Variants in JMJD1C observed in about 807,000 individuals in gnomAD.
JMJD1C encodes jumonji domain-containing protein 1C.
JMJD1C carries 31 observed loss-of-function variants against 245.3 expected under a neutral mutation model. That is an observed-to-expected ratio of 0.13 (90% CI 0.09 to 0.17). JMJD1C has a LOEUF of 0.17. JMJD1C is among the 10% of genes least tolerant of loss of function. JMJD1C has a pLI of 1.00. For missense variants in JMJD1C, 2,691 were observed against 3,000.2 expected, an observed-to-expected ratio of 0.90 and a Z score of 2.41; for synonymous variants, 1,057 against 1,017.4, an observed-to-expected ratio of 1.04 and a Z score of -0.74.
chr10:63,169,724 G>A (rs1197892631), intron 24 of JMJD1C, among the ~76,000 whole-genome samples: 1 of 152,172 alleles, frequency 6.6e-6, no homozygotes, highest in Admixed American at 6.5e-5. Context: ...TCATTAGGCT[G>A]TTGGTTCCTC....
chr10:63,485,539 C>T (rs1259586107), intron 1 of JMJD1C, among the ~76,000 whole-genome samples: 1 of 152,042 alleles, frequency 6.6e-6, no homozygotes, highest in Non-Finnish European at 1.5e-5. Context: ...TGAGTGACAT[C>T]GTATCCTAGA....
At chr10:63,189,522 T>C (rs1844510715) in intron 17 of JMJD1C, 76 bp from the exon 18 acceptor site, 1 of 1,281,092 alleles carries the variant, frequency 7.8e-7, no homozygotes, top group Non-Finnish European at 1.1e-6. Context: ...ACAGACTTAT[T>C]TTTTTTTAAA....
At chr10:63,248,728 T>C (rs1310932015) in intron 3 of JMJD1C, among the ~76,000 whole-genome samples, 3 of 152,088 alleles carry the variant, frequency 2.0e-5, no homozygotes, top group African/African-American at 7.2e-5. Flanking sequence ...CTACTGGATA[T>C]ACATCCAAAA....
intron 3 of JMJD1C, among the ~76,000 whole-genome samples, chr10:63,231,145 G>GA (rs1849936515): frequency 6.6e-6 from 1 of 152,054 alleles, no homozygotes; most frequent in Non-Finnish European, 1.5e-5. Flanking sequence ...CCCCCCTCAA[G>GA]AAAAAACCTT....
intron 2 of JMJD1C, among the ~76,000 whole-genome samples, chr10:63,271,611 G>A (rs2133833321): frequency 6.6e-6 from 1 of 151,836 alleles, no homozygotes; most frequent in Non-Finnish European, 1.5e-5. Context: ...GAGTGCAATG[G>A]TGTGATCTTG....
At chr10:63,313,114 G>A (rs1939454715) in intron 2 of JMJD1C, among the ~76,000 whole-genome samples, 1 of 152,106 alleles carries the variant, frequency 6.6e-6, no homozygotes, top group African/African-American at 2.4e-5. Context: ...CATTTCCCCC[G>A]CAAGGCCCCA....
At chr10:63,230,093 CTGGGTGCAG>C (rs1356922401) in intron 3 of JMJD1C, among the ~76,000 whole-genome samples, 3 of 152,162 alleles carry the variant, frequency 2.0e-5, no homozygotes, top group Non-Finnish European at 4.4e-5. Flanking sequence ...TGAAAATAAG[CTGGGTGCAG>C]TGGCTCATGC....
At chr10:63,433,577 TTTTCTTTTC>T (rs1950895745) in intron 1 of JMJD1C, among the ~76,000 whole-genome samples, 2 of 146,612 alleles carry the variant, frequency 1.4e-5, no homozygotes, top group Admixed American at 1.4e-4. Flanking sequence ...TACTCTTTTC[TTTTCTTTTC>T]TTTTTTTTTT....
chr10:63,338,640 ATTTTTTTTTTTTT>A (rs34238197), intron 2 of JMJD1C, among the ~76,000 whole-genome samples: 1 of 95,126 alleles, frequency 1.1e-5, no homozygotes, highest in Non-Finnish European at 2.0e-5. Context: ...TGCTCCTTAG[ATTTTTTTTTTTTT>A]TTTTTTTTTT....
At chr10:63,434,502 C>T (rs1228764846) in intron 1 of JMJD1C, among the ~76,000 whole-genome samples, 1 of 152,000 alleles carries the variant, frequency 6.6e-6, no homozygotes, top group African/African-American at 2.4e-5. Context: ...CTGGAGTTCT[C>T]AGGACACAAT....
In JMJD1C at chr10:63,424,497, CTTT is replaced by C. The variant is rs59823871; in HGVS notation, c.168+40995_168+40997del. Among the ~76,000 whole-genome samples the C allele has an allele frequency of 1.2e-4, 12 of 103,356 alleles. 1 individual carries two copies. The highest frequency in any genetic ancestry group is 1.5e-4 in the Non-Finnish European group (8 of 55,054). The allele number at this position is 103,356 out of a possible 152,430, so 67.8% of individuals were successfully genotyped here. A position where few individuals can be genotyped will look rare whatever the true frequency, so the allele number is the denominator to read the frequency against. The stretch of plus-strand genomic sequence containing the variant: ...ACTTACACAAAAACCATTATTATTT[CTTT>C]TTTTTTTTTTTTTTTTTTCTTTTTG... On this transcript the variant is annotated intron_variant, in intron 1 of 25. Coordinates refer to ENST00000399262, the MANE Select transcript of JMJD1C (RefSeq NM_032776.3).
intron 2 of JMJD1C, among the ~76,000 whole-genome samples, chr10:63,265,795 T>C (rs191634847): frequency 9.8e-5 from 15 of 152,298 alleles, no homozygotes; most frequent in Non-Finnish European, 1.8e-4. Context: ...TACAGGGTAA[T>C]TTGTGTTAAT....
intron 1 of JMJD1C, among the ~76,000 whole-genome samples, chr10:63,474,979 GGTA>G (rs1953613979): frequency 6.6e-6 from 1 of 152,110 alleles, no homozygotes; most frequent in Non-Finnish European, 1.5e-5. Flanking sequence ...CATGGGGGTG[GGTA>G]GTATTGACTG....
intron 3 of JMJD1C, among the ~76,000 whole-genome samples, chr10:63,234,906 A>AT (rs1850541651): frequency 6.6e-6 from 1 of 152,196 alleles, no homozygotes; most frequent in South Asian, 2.1e-4. Flanking sequence ...TCTGTAATAC[A>AT]TTTTTTATGA....
intron 22 of JMJD1C, among the ~76,000 whole-genome samples, chr10:63,179,944 T>C (rs1168721450): frequency 6.6e-6 from 1 of 152,222 alleles, no homozygotes; most frequent in Non-Finnish European, 1.5e-5. Flanking sequence ...GTTTCCTAAT[T>C]TGTGACAGTA....
At chr10:63,346,955 C>A (rs1943868674) in intron 2 of JMJD1C, among the ~76,000 whole-genome samples, 1 of 152,100 alleles carries the variant, frequency 6.6e-6, no homozygotes, top group African/African-American at 2.4e-5. Context: ...GGTCCCCCTA[C>A]ACCCCCGGCC....
At position 63,222,838 on chromosome 10, in the gene JMJD1C, CA is replaced by C. The variant is rs1219638411; in HGVS notation, c.448-2856del. On this transcript the variant is annotated intron_variant, in intron 3 of 25. Coordinates refer to ENST00000399262, the MANE Select transcript of JMJD1C (RefSeq NM_032776.3). Reference sequence around the variant, plus strand: ...AGACAGATGCACCTTGGTGTGGAGTCAAAAGTACACATGCTGGATCAAAATA... The same window carrying C: ...AGACAGATGCACCTTGGTGTGGAGTCAAAGTACACATGCTGGATCAAAATA... The C allele has an allele frequency of 2.0e-4, 284 of 1,439,744 alleles. 3 individuals carry two copies. In the South Asian group the frequency reaches 3.1e-3, roughly 16 times the overall value. 89.2% of individuals were successfully genotyped at this position (1,439,744 alleles called of 1,614,324 possible).
chr10:63,394,718 C>T (rs1238598823), intron 1 of JMJD1C, among the ~76,000 whole-genome samples: 1 of 152,114 alleles, frequency 6.6e-6, no homozygotes, highest in African/African-American at 2.4e-5. Context: ...GTGGCGCATG[C>T]CTGCAATCCC....
chr10:63,389,311 C>CAAAAAAA (rs1185397734), intron 1 of JMJD1C, among the ~76,000 whole-genome samples: 143 of 63,608 alleles, frequency 2.2e-3, no homozygotes, highest in Middle Eastern at 0.016. Flanking sequence ...GACCCTGTCT[C>CAAAAAAA]AAAAAAAAAA....
Sources: gnomAD v4.1 joint callset for allele counts (sites outside exome capture counted in the v4.1 genomes callset) on GRCh38, gnomAD v4.1.1 for gene constraint, MANE v1.5 for transcripts, NCBI Gene and HGNC (gene_info 2026-07-23, HGNC 2026-07-21) for gene names.